The following GRM7 variants were observed in gnomAD, a reference collection of about 807,000 sequenced individuals.
GRM7 encodes the protein glutamate metabotropic receptor 7.
In GRM7, 35 loss-of-function variants were observed where a neutral mutation model predicts 84.5. That is an observed-to-expected ratio of 0.41 (90% CI 0.32 to 0.55). The LOEUF is 0.55. GRM7 is among the 20% of genes least tolerant of loss of function. GRM7 has a pLI of 0.19. For missense variants in GRM7, 1,003 were observed against 1,194.6 expected, an observed-to-expected ratio of 0.84 and a Z score of 2.36; for synonymous variants, 487 against 455.1, an observed-to-expected ratio of 1.07 and a Z score of -0.89.
intron 1 of GRM7, among the ~76,000 whole-genome samples, chr3:6,888,263 T>C (rs1695783705): frequency 1.3e-5 from 2 of 152,286 alleles, no homozygotes; most frequent in Middle Eastern, 3.4e-3. Context: ...ATTTTGTCTT[T>C]TGTTGCCATT....
At chr3:7,483,476 G>A (rs1699208931) in intron 7 of GRM7, among the ~76,000 whole-genome samples, 1 of 152,164 alleles carries the variant, frequency 6.6e-6, no homozygotes, top group African/African-American at 2.4e-5. Context: ...GAGTGGAAGT[G>A]AAAGAAGCCA....
At chr3:7,046,947 A>C (rs373823392) in intron 1 of GRM7, among the ~76,000 whole-genome samples, 1 of 152,086 alleles carries the variant, frequency 6.6e-6, no homozygotes, top group Non-Finnish European at 1.5e-5. Context: ...TAAAGAGTAA[A>C]TGAAGGATAA....
intron 2 of GRM7, among the ~76,000 whole-genome samples, chr3:7,227,434 A>T (rs1323758456): frequency 3.3e-5 from 5 of 152,292 alleles, no homozygotes; most frequent in African/African-American, 9.6e-5. Context: ...TATTCACCAT[A>T]TTGTACCGCA....
chr3:7,119,621 A>G (rs1458758639), intron 1 of GRM7, among the ~76,000 whole-genome samples: 2 of 152,152 alleles, frequency 1.3e-5, no homozygotes, highest in African/African-American at 4.8e-5. Context: ...TCTAACATTC[A>G]TAATCTAGGA....
chr3:7,171,784 C>T (rs1436708745), intron 2 of GRM7, among the ~76,000 whole-genome samples: 1 of 152,136 alleles, frequency 6.6e-6, no homozygotes, highest in Admixed American at 6.6e-5. Flanking sequence ...ATGAGAACAC[C>T]ACCTCCTCCC....
At chr3:7,240,396 G>A (rs1697513750) in intron 2 of GRM7, among the ~76,000 whole-genome samples, 2 of 151,394 alleles carry the variant, frequency 1.3e-5, no homozygotes, top group South Asian at 2.1e-4. Context: ...AAATAAACAT[G>A]TCTATTGGGC....
At chr3:6,880,842 A>AT (rs1695481534) in intron 1 of GRM7, among the ~76,000 whole-genome samples, 1 of 152,208 alleles carries the variant, frequency 6.6e-6, no homozygotes. Flanking sequence ...TTGCAAAAAA[A>AT]GGTAGCGATG....
At chr3:7,271,613 A>G (rs1489284317) in intron 2 of GRM7, among the ~76,000 whole-genome samples, 1 of 151,344 alleles carries the variant, frequency 6.6e-6, no homozygotes, top group East Asian at 1.9e-4. Context: ...GCCCTACTCC[A>G]GACTCAGTGG....
At chr3:7,127,650 T>C (rs891024823) in intron 1 of GRM7, among the ~76,000 whole-genome samples, 1 of 152,202 alleles carries the variant, frequency 6.6e-6, no homozygotes. Flanking sequence ...ATATAATATT[T>C]TTGTAGTTAG....
At chr3:7,488,614 T>G (rs1359906752) in intron 7 of GRM7, among the ~76,000 whole-genome samples, 2 of 152,188 alleles carry the variant, frequency 1.3e-5, no homozygotes, top group African/African-American at 4.8e-5. Flanking sequence ...TAATGCAGCA[T>G]GAGGCCCCCG....
chr3:6,961,003 T>A (rs1034771034), intron 1 of GRM7, among the ~76,000 whole-genome samples: 10 of 152,210 alleles, frequency 6.6e-5, no homozygotes, highest in African/African-American at 2.4e-4. Context: ...CTTCTGTTTT[T>A]CTCTCACTAT....
rs561705997 is a variant in GRM7 at position 7,279,694 on chromosome 3, T to A, written c.737-18990T>A. 3.8e-4 allele frequency among the ~76,000 whole-genome samples: 58 copies of A among 152,268 alleles called. 1 individual carries two copies. The South Asian group carries it at 0.012, about 30-fold the overall frequency. On this transcript the variant is annotated intron_variant, in intron 2 of 9. Transcript: ENST00000357716. ...CCTGAGACCTTCATGCCTTCTCAGC[T>A]CTACTTCCATAAGACACAGCTGAAC...
At chr3:6,971,895 A>G (rs1693773210) in intron 1 of GRM7, among the ~76,000 whole-genome samples, 1 of 152,258 alleles carries the variant, frequency 6.6e-6, no homozygotes, top group African/African-American at 2.4e-5. Flanking sequence ...AAGCTTAGAA[A>G]TAAATATGAC....
At chr3:6,902,923 T>G (rs1696444156) in intron 1 of GRM7, among the ~76,000 whole-genome samples, 1 of 151,786 alleles carries the variant, frequency 6.6e-6, no homozygotes, top group African/African-American at 2.4e-5. Flanking sequence ...TAGAACTTTT[T>G]ATATGTTTTG....
chr3:7,077,570 C>T (rs1400455313), intron 1 of GRM7, among the ~76,000 whole-genome samples: 37 of 5,338 alleles, frequency 6.9e-3, no homozygotes, highest in Non-Finnish European at 0.01. Flanking sequence ...TGGGGCCTGT[C>T]GGGGGGTGGG....
chr3:7,367,238 C>A (rs1489448996), intron 4 of GRM7, among the ~76,000 whole-genome samples: 3 of 151,636 alleles, frequency 2.0e-5, no homozygotes, highest in Admixed American at 6.6e-5. Context: ...CTTTTTTCCC[C>A]TTCCCACTTT....
intron 1 of GRM7, among the ~76,000 whole-genome samples, chr3:6,921,889 G>A (rs1408578102): frequency 6.6e-6 from 1 of 152,120 alleles, no homozygotes; most frequent in Non-Finnish European, 1.5e-5. Context: ...GATTTACTCA[G>A]AATCACAGAC....
intron 1 of GRM7, among the ~76,000 whole-genome samples, chr3:7,017,642 C>G (rs1035761434): frequency 5.9e-5 from 9 of 152,100 alleles, no homozygotes; most frequent in African/African-American, 1.9e-4. Context: ...TTATTATCAC[C>G]TGGGAAGGTC....
In GRM7 at chr3:7,702,896, A is replaced by C. The variant is rs551603115; in HGVS notation, c.2698+22601A>C. Among the ~76,000 whole-genome samples the C allele has an allele frequency of 3.3e-5, 5 of 152,314 alleles. No individual in the cohort carries two copies. In the South Asian group the frequency reaches 1.0e-3, roughly 32 times the overall value. Reference sequence around the variant, plus strand: ...ACACTGAAATACAGAGGAGATAGTCATAACAAAAACTAATGAAAAAATTAA... The same window carrying C: ...ACACTGAAATACAGAGGAGATAGTCCTAACAAAAACTAATGAAAAAATTAA... On this transcript the variant is annotated intron_variant, in intron 9 of 9. Coordinates refer to ENST00000357716, the MANE Select transcript of GRM7 (RefSeq NM_000844.4).
Sources: allele counts gnomAD v4.1 joint callset (sites outside exome capture counted in the v4.1 genomes callset), GRCh38; gene constraint gnomAD v4.1.1; transcripts MANE v1.5; gene names NCBI Gene and HGNC (gene_info 2026-07-23, HGNC 2026-07-21).